The following ATRNL1 variants were observed in gnomAD, a reference collection of about 807,000 sequenced individuals.
The protein encoded by ATRNL1 is attractin-like protein 1.
Under a neutral mutation model 182.7 loss-of-function variants are expected in ATRNL1, and 95 were observed. That is an observed-to-expected ratio of 0.52 (90% CI 0.44 to 0.62). ATRNL1 has a LOEUF of 0.62. ATRNL1 is among the 20% of genes least tolerant of loss of function. The pLI, the probability that ATRNL1 is intolerant of heterozygous loss-of-function variation, is 0.00. For missense variants in ATRNL1, 1,471 were observed against 1,679.5 expected (o/e 0.88, Z 2.17); for synonymous variants, 576 against 568.3 (o/e 1.01, Z -0.19).
At chr10:115,312,658 C>G (rs1451439870) in intron 17 of ATRNL1, among the ~76,000 whole-genome samples, 2 of 152,130 alleles carry the variant, frequency 1.3e-5, no homozygotes, top group Admixed American at 1.3e-4. Flanking sequence ...ACATTTCTAG[C>G]AAGGCCAGGG....
chr10:115,647,673 TAA>T (rs371510678), intron 26 of ATRNL1, among the ~76,000 whole-genome samples: 1,567 of 152,344 alleles, frequency 0.01, 29 homozygotes, highest in African/African-American at 0.036. Flanking sequence ...TAAATTTGTT[TAA>T]GTTTTTTGTA....
intron 25 of ATRNL1, among the ~76,000 whole-genome samples, chr10:115,533,059 A>T (rs1276825978): frequency 6.6e-6 from 1 of 152,144 alleles, no homozygotes. Context: ...ATTGGTCTAA[A>T]ATTCTCTTTT....
chr10:115,363,840 G>A (rs868933245), intron 19 of ATRNL1, among the ~76,000 whole-genome samples: 3,832 of 144,330 alleles, frequency 0.027, 153 homozygotes, highest in African/African-American at 0.091. Context: ...GATATGCGGC[G>A]TTATTTCTGA....
intron 24 of ATRNL1, among the ~76,000 whole-genome samples, chr10:115,495,791 A>G (rs568469761): frequency 6.6e-6 from 1 of 151,972 alleles, no homozygotes; most frequent in East Asian, 1.9e-4. Flanking sequence ...AGAAGAATAT[A>G]TTCTTTTGTT....
At chr10:115,842,713 G>A (rs1239053688) in intron 27 of ATRNL1, among the ~76,000 whole-genome samples, 1 of 151,958 alleles carries the variant, frequency 6.6e-6, no homozygotes, top group Non-Finnish European at 1.5e-5. Context: ...AGACTCCTTA[G>A]CTTCTTAAGC....
intron 19 of ATRNL1, among the ~76,000 whole-genome samples, chr10:115,337,361 CAAGTTATTTT>C (rs1329408378): frequency 6.6e-6 from 1 of 152,004 alleles, no homozygotes; most frequent in Non-Finnish European, 1.5e-5. Context: ...TAAGTTATTT[CAAGTTATTTT>C]AAAATGTACA....
At chr10:115,211,275 C>T (rs1340154620) in intron 8 of ATRNL1, among the ~76,000 whole-genome samples, 1 of 150,724 alleles carries the variant, frequency 6.6e-6, no homozygotes, top group African/African-American at 2.4e-5. Context: ...GAATTTTTTC[C>T]CTCTTAATTC....
chr10:115,917,581 T>A (rs1259670126), intron 28 of ATRNL1, among the ~76,000 whole-genome samples: 1 of 151,586 alleles, frequency 6.6e-6, no homozygotes, highest in African/African-American at 2.4e-5. Flanking sequence ...TATGTAGTGG[T>A]TTTTGGTTTT....
chr10:115,890,063 G>T (rs1476821984), intron 28 of ATRNL1, among the ~76,000 whole-genome samples: 3 of 152,116 alleles, frequency 2.0e-5, no homozygotes, highest in African/African-American at 7.2e-5. Flanking sequence ...ATATATGTTT[G>T]CACAGATAAG....
At chr10:115,866,000 CATT>C (rs1398995521) in intron 28 of ATRNL1, among the ~76,000 whole-genome samples, 1 of 152,068 alleles carries the variant, frequency 6.6e-6, no homozygotes, top group African/African-American at 2.4e-5. Flanking sequence ...TTCTGCCTAT[CATT>C]TTAAAACCAT....
At chr10:115,756,808 T>C (rs1555072168) in intron 27 of ATRNL1, among the ~76,000 whole-genome samples, 1 of 152,166 alleles carries the variant, frequency 6.6e-6, no homozygotes, top group Admixed American at 6.5e-5. Context: ...AGTCTCTTTG[T>C]AGGTCTCTAA....
intron 26 of ATRNL1, among the ~76,000 whole-genome samples, chr10:115,673,189 G>A (rs1555041982): frequency 6.6e-6 from 1 of 152,102 alleles, no homozygotes; most frequent in African/African-American, 2.4e-5. Flanking sequence ...TCAGAATTTA[G>A]GATTCTATTT....
At chr10:115,747,054 A>G (rs1340983328) in intron 27 of ATRNL1, among the ~76,000 whole-genome samples, 1 of 152,170 alleles carries the variant, frequency 6.6e-6, no homozygotes, top group African/African-American at 2.4e-5. Flanking sequence ...AATTTCAATT[A>G]TAAGGCAGAT....
intron 26 of ATRNL1, among the ~76,000 whole-genome samples, chr10:115,664,655 A>G (rs1860896408): frequency 6.6e-6 from 1 of 152,178 alleles, no homozygotes; most frequent in African/African-American, 2.4e-5. Flanking sequence ...ACTTTCCAGT[A>G]CATGAAAATT....
chr10:115,150,128 G>C (rs1846154504), intron 5 of ATRNL1, among the ~76,000 whole-genome samples: 1 of 151,904 alleles, frequency 6.6e-6, no homozygotes, highest in South Asian at 2.1e-4. Flanking sequence ...CAGTTTGTTA[G>C]TGTATAGTTA....
intron 26 of ATRNL1, among the ~76,000 whole-genome samples, chr10:115,668,626 G>C (rs1201740044): frequency 2.6e-5 from 4 of 152,104 alleles, no homozygotes; most frequent in Admixed American, 6.6e-5. Context: ...GTATGACTCA[G>C]TTCTGTGTTC....
chr10:115,758,349 G>A (rs560720308), intron 27 of ATRNL1, among the ~76,000 whole-genome samples: 1,128 of 7,456 alleles, frequency 0.15, 16 homozygotes, highest in African/African-American at 0.16. Context: ...ATTCCTTTCT[G>A]TTTGATAGTT....
At chr10:115,404,316 G>T (rs1400372599) in intron 20 of ATRNL1, among the ~76,000 whole-genome samples, 1 of 152,122 alleles carries the variant, frequency 6.6e-6, no homozygotes, top group African/African-American at 2.4e-5. Context: ...TTGCAGTTAG[G>T]TTGGAAGTCA....
At chr10:115,589,443 A>C (rs1265811585) in intron 26 of ATRNL1, among the ~76,000 whole-genome samples, 2 of 152,278 alleles carry the variant, frequency 1.3e-5, no homozygotes, top group East Asian at 3.9e-4. Context: ...CTTAATGAAG[A>C]AAACACATTA....
Sources: gnomAD v4.1 joint callset for allele counts (sites outside exome capture counted in the v4.1 genomes callset) on GRCh38, gnomAD v4.1.1 for gene constraint, MANE v1.5 for transcripts, NCBI Gene and HGNC (gene_info 2026-07-23, HGNC 2026-07-21) for gene names.